Variants in ANKS1A observed in about 807,000 individuals in gnomAD.
The protein encoded by ANKS1A is ankyrin repeat and SAM domain-containing protein 1A.
A neutral mutation model predicts 120.3 loss-of-function variants in ANKS1A; 55 were observed. That is an observed-to-expected ratio of 0.46 (90% confidence interval 0.37 to 0.57). The LOEUF (loss-of-function observed/expected upper bound fraction) is 0.57. Ranked by LOEUF, ANKS1A falls within the 20% of genes least tolerant of loss-of-function variation. ANKS1A has a pLI of 0.00. For missense variants in ANKS1A, 1,123 were observed against 1,480.3 expected, an observed-to-expected ratio of 0.76 and a Z score of 3.96; for synonymous variants, 590 against 604.7, an observed-to-expected ratio of 0.98 and a Z score of 0.36.
intron 3 of ANKS1A, among the ~76,000 whole-genome samples, chr6:34,974,594 CTCATAAG>C (rs1771462228): frequency 6.6e-6 from 1 of 151,948 alleles, no homozygotes; most frequent in Non-Finnish European, 1.5e-5. Context: ...GAGTGAAAAA[CTCATAAG>C]TCATAGGCTT....
At chr6:34,922,564 A>G (rs1768491913) in intron 1 of ANKS1A, among the ~76,000 whole-genome samples, 1 of 152,196 alleles carries the variant, frequency 6.6e-6, no homozygotes, top group Non-Finnish European at 1.5e-5. Flanking sequence ...TCCACACAAC[A>G]TAAAAGCCCT....
In ANKS1A at chr6:34,983,235, C is replaced by T. The variant is rs78690508; in HGVS notation, c.910+21C>T. Reference sequence around the variant, plus strand: ...TGAAGGTATCATCCTTTCTCCCTGTCTGGGTGACCAGGGGACACACGAATT... The same window carrying T: ...TGAAGGTATCATCCTTTCTCCCTGTTTGGGTGACCAGGGGACACACGAATT... On this transcript the variant is annotated intron_variant, in intron 6 of 23. Coordinates refer to ENST00000360359, the MANE Select transcript of ANKS1A (RefSeq NM_015245.3). 159 of 1,612,544 alleles carry T rather than the reference C, an allele frequency of 9.9e-5. No homozygotes were observed. The African/African-American group carries it at 1.9e-3, about 19-fold the overall frequency.
At position 35,084,889 on chromosome 6, in the gene ANKS1A, C is replaced by T. The variant is rs1252628712; in HGVS notation, c.3132+631C>T. On this transcript the variant is annotated intron_variant, in intron 21 of 23. Coordinates refer to ENST00000360359, the MANE Select transcript of ANKS1A (RefSeq NM_015245.3). The surrounding 1 kb of genome is among the most constrained non-coding windows in gnomAD (Gnocchi z 4.8). ...CAGACCAGAACTGACAGCCCACAGGCGGGGGTTCCCTCTAACCTGCAACAA... is the reference window on the plus strand; with the variant it reads ...CAGACCAGAACTGACAGCCCACAGGTGGGGGTTCCCTCTAACCTGCAACAA... Among the ~76,000 whole-genome samples, 1 of 152,212 alleles carries T rather than the reference C, an allele frequency of 6.6e-6. No homozygotes were observed. Among genetic ancestry groups the T allele is most frequent in the Non-Finnish European group, 1.5e-5 (1 of 68,032 alleles).
At chr6:34,912,786 C>T (rs1052119732) in intron 1 of ANKS1A, among the ~76,000 whole-genome samples, 2 of 152,094 alleles carry the variant, frequency 1.3e-5, no homozygotes, top group African/African-American at 2.4e-5. Context: ...GATTGAAAAG[C>T]GAAATTGATT....
intron 1 of ANKS1A, among the ~76,000 whole-genome samples, chr6:34,902,748 A>G (rs1158121663): frequency 2.0e-5 from 3 of 150,750 alleles, no homozygotes; most frequent in African/African-American, 7.3e-5. Flanking sequence ...GGTTGCAGTG[A>G]GCCAAAATCG....
chr6:34,894,307 A>C (rs1766968193), intron 1 of ANKS1A, among the ~76,000 whole-genome samples: 1 of 152,204 alleles, frequency 6.6e-6, no homozygotes, highest in Admixed American at 6.5e-5. Context: ...TTTGGTTAAA[A>C]GTAAATTCTA....
intron 1 of ANKS1A, among the ~76,000 whole-genome samples, chr6:34,955,920 G>A (rs1224134330): frequency 1.3e-5 from 2 of 151,998 alleles, no homozygotes; most frequent in Non-Finnish European, 2.9e-5. Context: ...CTCAAACTGT[G>A]TTCTCTTTAT....
intron 23 of ANKS1A, among the ~76,000 whole-genome samples, chr6:35,088,033 G>A (rs1561972335): frequency 6.6e-6 from 1 of 152,232 alleles, no homozygotes; most frequent in Non-Finnish European, 1.5e-5. Context: ...CAGAGCTGCT[G>A]GAGGACAGGG....
chr6:35,033,954 G>A (rs1255492719), intron 11 of ANKS1A, among the ~76,000 whole-genome samples: 1 of 152,136 alleles, frequency 6.6e-6, no homozygotes, highest in Non-Finnish European at 1.5e-5. Context: ...TAACACTCAG[G>A]TTCCTTTGGT....
At chr6:35,096,468 G>A in the ANKS1A span, among the ~76,000 whole-genome samples, 1 of 152,140 alleles carries the variant, frequency 6.6e-6, no homozygotes, top group African/African-American at 2.4e-5. Flanking sequence ...TTAATAGTGT[G>A]TTTAATCTGC....
intron 12 of ANKS1A, among the ~76,000 whole-genome samples, chr6:35,059,835 C>T (rs1411986638): frequency 6.6e-6 from 1 of 152,142 alleles, no homozygotes; most frequent in African/African-American, 2.4e-5. Flanking sequence ...TTTGGCTTCC[C>T]CCACCCCCGA....
rs767765766 is a variant in ANKS1A at position 34,982,031 on chromosome 6, C to T, written c.732+45C>T. Reference sequence around the variant, plus strand: ...CTCCTCCAATCTCAAGAGACTCAGTCATTTTGCAGAAGGCACAAGGACCAT... The same window carrying T: ...CTCCTCCAATCTCAAGAGACTCAGTTATTTTGCAGAAGGCACAAGGACCAT... On this transcript the variant is annotated intron_variant, in intron 4 of 23. Coordinates refer to ENST00000360359, the MANE Select transcript of ANKS1A (RefSeq NM_015245.3). The surrounding 1 kb of genome is among the most constrained non-coding windows in gnomAD (Gnocchi z 4.9). The T allele has an allele frequency of 1.3e-6, 2 of 1,599,338 alleles. No individual in the cohort carries two copies. Among genetic ancestry groups the T allele is most frequent in the Non-Finnish European group, 1.7e-6 (2 of 1,171,932 alleles).
At chr6:34,996,751 G>A (rs553512001) in intron 10 of ANKS1A, among the ~76,000 whole-genome samples, 13 of 152,240 alleles carry the variant, frequency 8.5e-5, no homozygotes, top group South Asian at 2.1e-4. Context: ...GATAACAGGC[G>A]TGAGCCACCA....
intron 11 of ANKS1A, among the ~76,000 whole-genome samples, chr6:35,031,312 T>C (rs1774898737): frequency 1.3e-5 from 2 of 152,240 alleles, no homozygotes; most frequent in Admixed American, 1.3e-4. Context: ...CCTAACAGCG[T>C]AATCGCCTGC....
chr6:35,078,472 A>G, intron 13 of ANKS1A, 86 bp from the exon 14 acceptor site: 1 of 1,196,370 alleles, frequency 8.4e-7, no homozygotes, highest in South Asian at 1.3e-5. Flanking sequence ...AATTTGGTGC[A>G]GGGCCCTGAA....
At chr6:34,904,823 T>G (rs1277236961) in intron 1 of ANKS1A, among the ~76,000 whole-genome samples, 3 of 152,136 alleles carry the variant, frequency 2.0e-5, no homozygotes, top group Non-Finnish European at 2.9e-5. Flanking sequence ...CTTTTCTTTG[T>G]TTTTCTTTTG....
intron 11 of ANKS1A, among the ~76,000 whole-genome samples, chr6:35,022,823 T>G (rs1016558759): frequency 4.6e-4 from 70 of 152,230 alleles, no homozygotes; most frequent in African/African-American, 1.7e-3. Flanking sequence ...GATTATAATT[T>G]GCTTTTCTTA....
intron 1 of ANKS1A, among the ~76,000 whole-genome samples, chr6:34,931,933 C>G (rs531288213): frequency 7.2e-5 from 11 of 152,300 alleles, no homozygotes; most frequent in African/African-American, 2.6e-4. Flanking sequence ...ATTTAATGAG[C>G]ATATATTACA....
At chr6:35,007,092 G>A (rs903758034) in intron 10 of ANKS1A, among the ~76,000 whole-genome samples, 10 of 152,216 alleles carry the variant, frequency 6.6e-5, no homozygotes, top group African/African-American at 2.4e-4. Context: ...GTTAATCAGA[G>A]TTGCTGCCAT....
Sources: allele counts gnomAD v4.1 joint callset (sites outside exome capture counted in the v4.1 genomes callset), GRCh38; gene constraint gnomAD v4.1.1; non-coding constraint Gnocchi (gnomAD v3.1); transcripts MANE v1.5; gene names NCBI Gene and HGNC (gene_info 2026-07-23, HGNC 2026-07-21).